STIM2: variants seen among roughly 807,000 people sequenced by gnomAD.
STIM2 encodes the protein stromal interaction molecule 2.
Under a neutral mutation model 85.8 loss-of-function variants are expected in STIM2, and 31 were observed. The ratio of observed to expected loss-of-function variants is 0.36; its 90% CI spans 0.27 to 0.49. STIM2 has a LOEUF of 0.49. STIM2 is among the 20% of genes least tolerant of loss of function. STIM2 has a pLI of 0.98. For synonymous variants in STIM2, 356 were observed against 331.1 expected (o/e 1.08, Z -0.82); for missense variants, 841 against 927.6 (o/e 0.91, Z 1.21).
intron 1 of STIM2, among the ~76,000 whole-genome samples, chr4:26,915,185 G>A (rs1447355472): frequency 6.6e-6 from 1 of 151,882 alleles, no homozygotes; most frequent in East Asian, 1.9e-4. Flanking sequence ...AGATAAAATA[G>A]TATTGGTTTC....
intron 1 of STIM2, among the ~76,000 whole-genome samples, chr4:26,867,362 CG>C (rs1722446703): frequency 6.6e-6 from 1 of 152,088 alleles, no homozygotes; most frequent in African/African-American, 2.4e-5. Context: ...AAAATATAAT[CG>C]GGCTTATGTG....
At chr4:26,984,429 C>T (rs1032582579) in intron 3 of STIM2, among the ~76,000 whole-genome samples, 6 of 152,216 alleles carry the variant, frequency 3.9e-5, no homozygotes, top group African/African-American at 1.4e-4. Flanking sequence ...AGCGTGATCT[C>T]GGCTCACTGC....
At chr4:26,922,860 A>G (rs1224037716) in intron 2 of STIM2, among the ~76,000 whole-genome samples, 2 of 152,166 alleles carry the variant, frequency 1.3e-5, no homozygotes, top group Middle Eastern at 3.2e-3. Flanking sequence ...CTCACCTATC[A>G]GGAAATTTCC....
intron 3 of STIM2, among the ~76,000 whole-genome samples, chr4:26,963,321 G>T (rs1235546113): frequency 6.6e-6 from 1 of 151,996 alleles, no homozygotes; most frequent in Admixed American, 6.6e-5. Context: ...AGTATAAAGG[G>T]ATTTCTAAAT....
At chr4:26,987,187 C>T (rs1212866101) in intron 3 of STIM2, among the ~76,000 whole-genome samples, 2 of 152,184 alleles carry the variant, frequency 1.3e-5, no homozygotes, top group South Asian at 2.1e-4. Flanking sequence ...TATTTTCACC[C>T]CTTACAATCT....
chr4:26,994,523 G>A (rs1164758678), intron 3 of STIM2, among the ~76,000 whole-genome samples: 5 of 151,852 alleles, frequency 3.3e-5, no homozygotes, highest in African/African-American at 7.3e-5. Flanking sequence ...TTATTTCTCC[G>A]TATTTCATGA....
At chr4:26,869,801 A>T (rs1406060264) in intron 1 of STIM2, among the ~76,000 whole-genome samples, 2 of 151,348 alleles carry the variant, frequency 1.3e-5, no homozygotes, top group Non-Finnish European at 2.9e-5. Context: ...GTGGTAGCTT[A>T]TCTAGTATCC....
chr4:26,893,952 G>A (rs1341268337), intron 1 of STIM2, among the ~76,000 whole-genome samples: 1 of 152,016 alleles, frequency 6.6e-6, no homozygotes. Context: ...GCAGTGGCGT[G>A]ATCTCAGCTC....
At chr4:26,876,281 A>G (rs1271151206) in intron 1 of STIM2, among the ~76,000 whole-genome samples, 1 of 152,154 alleles carries the variant, frequency 6.6e-6, no homozygotes, top group Admixed American at 6.5e-5. Context: ...ATATTAAGAC[A>G]TGAAGATGTT....
intron 8 of STIM2, 21 bp downstream of exon 8, chr4:27,007,721 A>C: frequency 6.5e-7 from 1 of 1,527,264 alleles, no homozygotes; most frequent in South Asian, 1.3e-5. Context: ...GTATTTCAAA[A>C]TTTACTAAAT....
intron 2 of STIM2, among the ~76,000 whole-genome samples, chr4:26,937,663 G>A (rs1725442496): frequency 6.6e-6 from 1 of 152,152 alleles, no homozygotes; most frequent in Admixed American, 6.5e-5. Context: ...GTGAAAGAGA[G>A]TGTTATTAAT....
intron 1 of STIM2, among the ~76,000 whole-genome samples, chr4:26,917,532 A>G (rs1455465657): frequency 6.6e-6 from 1 of 152,050 alleles, no homozygotes; most frequent in African/African-American, 2.4e-5. Context: ...GAGAGAGAGT[A>G]TTTTATTAGA....
At chr4:27,020,571 C>T (rs1466535583) in intron 11 of STIM2, among the ~76,000 whole-genome samples, 1 of 152,202 alleles carries the variant, frequency 6.6e-6, no homozygotes, top group Non-Finnish European at 1.5e-5. Flanking sequence ...AGACGATCTT[C>T]ATAGACATAT....
chr4:27,019,505 C>T, intron 11 of STIM2: 2 of 1,289,006 alleles, frequency 1.6e-6, no homozygotes, highest in South Asian at 1.2e-5. Context: ...AATAAAACTT[C>T]CTGCATTGAT....
chr4:26,999,745 C>T (rs1250764862), intron 5 of STIM2, among the ~76,000 whole-genome samples: 1 of 152,112 alleles, frequency 6.6e-6, no homozygotes, highest in Non-Finnish European at 1.5e-5. Context: ...ACAGTTTTCA[C>T]TAAACACCAA....
At chr4:27,007,886 G>T in intron 8 of STIM2, 186 bp downstream of exon 8, 1 of 715,524 alleles carries the variant, frequency 1.4e-6, no homozygotes. Context: ...TACTGCATTT[G>T]GAGAAGTGTA....
At chr4:27,021,743 G>A (rs1487321889) in intron 11 of STIM2, 3 of 417,466 alleles carry the variant, frequency 7.2e-6, no homozygotes, top group South Asian at 3.5e-5. Context: ...TCATTTAGTT[G>A]AGTTCCTGGC....
At position 27,018,100 on chromosome 4, in the gene STIM2, C is replaced by T. The variant is rs1257017206; in HGVS notation, c.1763+116C>T. ...TTTTCTGTTGCTACATATCAAGGTA[C>T]CACAGACTTTGCAGCCTCAGACATC... On this transcript the variant is annotated intron_variant, in intron 11 of 11. Transcript: ENST00000467087. 2.8e-6 allele frequency: 4 copies of T among 1,446,440 alleles called. No individual in the cohort carries two copies. The African/African-American group carries it at 5.6e-5, about 20-fold the overall frequency. The allele number at this position is 1,446,440 out of a possible 1,614,324, so 89.6% of individuals were successfully genotyped here. A position where few individuals can be genotyped will look rare whatever the true frequency, so the allele number is the denominator to read the frequency against.
intron 1 of STIM2, among the ~76,000 whole-genome samples, chr4:26,863,652 A>G (rs1168463203): frequency 5.3e-5 from 8 of 152,158 alleles, no homozygotes; most frequent in Non-Finnish European, 8.8e-5. Context: ...GACTGAATTT[A>G]CAAAATACTG....
Sources: gnomAD v4.1 joint callset for allele counts (sites outside exome capture counted in the v4.1 genomes callset) on GRCh38, gnomAD v4.1.1 for gene constraint, MANE v1.5 for transcripts, NCBI Gene and HGNC (gene_info 2026-07-23, HGNC 2026-07-21) for gene names.